PFKFB1: variants seen among roughly 807,000 people sequenced by gnomAD.
The protein encoded by PFKFB1 is 6-phosphofructo-2-kinase/fructose-2,6-bisphosphatase 1.
In PFKFB1, 34 loss-of-function variants were observed where a neutral mutation model predicts 46.4. That is an observed-to-expected ratio of 0.73 (90% CI 0.56 to 0.98). The LOEUF (loss-of-function observed/expected upper bound fraction) is 0.98. Ranked by LOEUF, PFKFB1 falls within the 50% of genes least tolerant of loss-of-function variation. The probability of loss-of-function intolerance (pLI) is 0.00; values close to 1 mark genes in which losing one functional copy is unlikely to be tolerated. For missense variants in PFKFB1, 393 were observed against 376.3 expected (o/e 1.04, Z -0.37); for synonymous variants, 119 against 133.8 (o/e 0.89, Z 0.76).
upstream of PFKFB1, among the ~76,000 whole-genome samples, chrX:54,998,063 G>A (rs779151873): frequency 3.6e-5 from 4 of 111,790 alleles, no homozygotes; most frequent in South Asian, 1.5e-3. Context: ...TGTTCAAAGC[G>A]CCACAGCAAA....
chrX:54,983,333 C>T lies in PFKFB1; in HGVS notation c.97+10578G>A, dbSNP rs1428150145. ...ATCTTTTCCCTTCTCCCACCCTCCA[C>T]CCTCAGGTAGGTCTCAAATGTGTGT... On this transcript the variant is annotated intron_variant, in intron 1 of 13. Transcript: ENST00000375006. 3.6e-5 allele frequency among the ~76,000 whole-genome samples: 4 copies of T among 111,090 alleles called. No individual in the cohort carries two copies. In the East Asian group the frequency reaches 1.1e-3, roughly 32 times the overall value.
chrX:54,946,740 C>T (rs181538627), intron 9 of PFKFB1, among the ~76,000 whole-genome samples: 9 of 112,127 alleles, frequency 8.0e-5, no homozygotes, highest in Admixed American at 6.6e-4. Flanking sequence ...TTAACCTCTC[C>T]GAATTTTACT....
At position 54,961,549 on chromosome X, in the gene PFKFB1, T is replaced by C. The variant is rs1441618842; in HGVS notation, c.224-632A>G. On this transcript the variant is annotated intron_variant, in intron 2 of 13. Coordinates refer to ENST00000375006, the MANE Select transcript of PFKFB1 (RefSeq NM_002625.4). ...AGAGTTAATATTTCATTCACTCATC[T>C]AACAAATACTTTTTGACTCCTACTC... is the stretch of plus-strand genomic sequence containing the variant. 2.7e-5 allele frequency among the ~76,000 whole-genome samples: 3 copies of C among 111,993 alleles called. No individual in the cohort carries two copies. In the Admixed American group the frequency reaches 2.8e-4, roughly 11 times the overall value.
chrX:54,962,755 T>C (rs1934353920), intron 2 of PFKFB1, among the ~76,000 whole-genome samples: 1 of 111,724 alleles, frequency 9.0e-6, no homozygotes, highest in Non-Finnish European at 1.9e-5. Context: ...ATCAGTAGAA[T>C]CATGCATTAG....
intron 7 of PFKFB1, among the ~76,000 whole-genome samples, chrX:54,955,491 T>A (rs1212425448): frequency 9.0e-6 from 1 of 111,283 alleles, no homozygotes; most frequent in Non-Finnish European, 1.9e-5. Context: ...TGTTTTTTTT[T>A]ATGGGTCTTC....
upstream of PFKFB1, chrX:54,998,325 CAAAGA>C: frequency 2.3e-6 from 2 of 858,437 alleles, no homozygotes; most frequent in African/African-American, 2.0e-5. Context: ...ACCATCTATG[CAAAGA>C]AAACTTTCCA....
intron 1 of PFKFB1, among the ~76,000 whole-genome samples, chrX:54,988,686 A>G (rs1935166210): frequency 8.9e-6 from 1 of 111,876 alleles, no homozygotes; most frequent in African/African-American, 3.2e-5. Context: ...TAAACCCTTC[A>G]ACTTATAGTC....
chrX:54,961,062 G>C (rs1934299518), intron 2 of PFKFB1, 145 bp from the exon 3 acceptor site: 2 of 338,931 alleles, frequency 5.9e-6, no homozygotes, highest in Non-Finnish European at 1.1e-5. Flanking sequence ...ATGGCTACCA[G>C]TTTATTTATT....
upstream of PFKFB1, among the ~76,000 whole-genome samples, chrX:54,997,691 T>C (rs188770934): frequency 2.7e-5 from 3 of 111,518 alleles, no homozygotes; most frequent in Admixed American, 9.5e-5. Flanking sequence ...TGTCAGGCCT[T>C]CTGTGACAGC....
chrX:54,934,942 C>G lies in PFKFB1; in HGVS notation c.1291+5G>C. The G allele has an allele frequency of 8.4e-7, 1 of 1,196,391 alleles. No individual in the cohort carries two copies. The highest frequency in any genetic ancestry group is 1.1e-6 in the Non-Finnish European group (1 of 881,771). ...CTGTCCTTTGATCAGGGTGGGAGTA[C>G]TTACCATAAGCCACAGGAGTGAGTT... is the stretch of plus-strand genomic sequence containing the variant. On this transcript the variant is annotated splice_donor_5th_base_variant and intron_variant, in intron 12 of 13. Coordinates refer to ENST00000375006, the MANE Select transcript of PFKFB1 (RefSeq NM_002625.4).
chrX:54,951,839 C>A, intron 8 of PFKFB1, 66 bp downstream of exon 8: 1 of 954,365 alleles, frequency 1.0e-6, no homozygotes. Context: ...ATGTGGCCAC[C>A]ACTACACCTG....
At chrX:54,989,732 G>A in intron 1 of PFKFB1, among the ~76,000 whole-genome samples, 1 of 112,147 alleles carries the variant, frequency 8.9e-6, no homozygotes, top group Non-Finnish European at 1.9e-5. Context: ...TCTCTGACCA[G>A]AATGGAATTA....
intron 11 of PFKFB1, 71 bp from the exon 12 acceptor site, chrX:54,935,080 G>A: frequency 1.2e-6 from 1 of 827,600 alleles, no homozygotes; most frequent in Non-Finnish European, 1.8e-6. Context: ...AGGCCCCCAG[G>A]CTTGCTGGAT....
intron 1 of PFKFB1, among the ~76,000 whole-genome samples, chrX:54,974,900 T>C (rs1244059056): frequency 9.1e-6 from 1 of 110,353 alleles, no homozygotes; most frequent in Non-Finnish European, 1.9e-5. Context: ...AAAACCACAA[T>C]GAGATACCAC....
intron 2 of PFKFB1, 135 bp from the exon 3 acceptor site, chrX:54,961,052 A>C (rs183007405): frequency 8.5e-6 from 3 of 351,718 alleles, no homozygotes; most frequent in Non-Finnish European, 1.6e-5. Flanking sequence ...ACTTCAAATT[A>C]TGGCTACCAG....
intron 4 of PFKFB1, 144 bp from the exon 5 acceptor site, chrX:54,959,069 T>C (rs1303237098): frequency 6.6e-6 from 3 of 456,109 alleles, no homozygotes; most frequent in Non-Finnish European, 7.8e-6. Context: ...GGATTCATGA[T>C]TGGCTTATGA....
intron 6 of PFKFB1, among the ~76,000 whole-genome samples, chrX:54,957,005 C>G (rs1934167022): frequency 8.9e-6 from 1 of 111,988 alleles, no homozygotes; most frequent in African/African-American, 3.2e-5. Flanking sequence ...AAAGTATTCT[C>G]CTGCCTAAAG....
chrX:54,949,243 G>A, intron 8 of PFKFB1, 22 bp from the exon 9 acceptor site: 2 of 1,166,891 alleles, frequency 1.7e-6, no homozygotes, highest in Non-Finnish European at 2.3e-6. Context: ...GGATGCAGAG[G>A]AGGAGAGAAG....
At chrX:54,942,066 A>T (rs1384946727) in intron 10 of PFKFB1, among the ~76,000 whole-genome samples, 1 of 112,277 alleles carries the variant, frequency 8.9e-6, no homozygotes, top group African/African-American at 3.2e-5. Context: ...TGCAGCCATA[A>T]AAAATGATGA....
Sources: allele counts gnomAD v4.1 joint callset (sites outside exome capture counted in the v4.1 genomes callset), GRCh38; gene constraint gnomAD v4.1.1; transcripts MANE v1.5; gene names NCBI Gene and HGNC (gene_info 2026-07-23, HGNC 2026-07-21).